Variants in ZNF521 observed in about 807,000 individuals in gnomAD.
The protein encoded by ZNF521 is zinc finger protein 521, also known as LYST-interacting protein 3.
Under a neutral mutation model 105.5 loss-of-function variants are expected in ZNF521, and 14 were observed. The ratio of observed to expected loss-of-function variants is 0.13; its 90% CI spans 0.09 to 0.21. The LOEUF is 0.21. Ranked by LOEUF, ZNF521 falls within the 10% of genes least tolerant of loss-of-function variation. The probability of loss-of-function intolerance (pLI) is 1.00; values close to 1 mark genes in which losing one functional copy is unlikely to be tolerated. For synonymous variants in ZNF521, 635 were observed against 606.0 expected, an observed-to-expected ratio of 1.05 and a Z score of -0.70; for missense variants, 1,233 against 1,629.7, an observed-to-expected ratio of 0.76 and a Z score of 4.19.
Position 25,227,621 on chromosome 18 carries a change from A to C in ZNF521, c.297T>G (p.Pro99=). 1 of 1,614,140 alleles carries C rather than the reference A, an allele frequency of 6.2e-7. No individual in the cohort carries two copies. Among genetic ancestry groups the C allele is most frequent in the Non-Finnish European group, 8.5e-7 (1 of 1,180,006 alleles). The change falls in exon 4 of 8, where the codon CCT becomes CCG. Residue 99 remains proline, a synonymous_variant. Coordinates refer to ENST00000361524, the MANE Select transcript of ZNF521 (RefSeq NM_015461.3). This position sits in a 1 kb window ranked among gnomAD's most constrained non-coding sequence, Gnocchi z 5.7. ...SSPSSKDQTS[P]SHGEGCDFGE... ...CAAAATCGCAACCTTCTCCATGGCTAGGGGAAGTCTGATCCTTGCTAGAAG... is the reference window on the plus strand; with the variant it reads ...CAAAATCGCAACCTTCTCCATGGCTCGGGGAAGTCTGATCCTTGCTAGAAG...
At chr18:25,156,522 G>A (rs142369872) in intron 5 of ZNF521, among the ~76,000 whole-genome samples, 239 of 152,318 alleles carry the variant, frequency 1.6e-3, no homozygotes, top group African/African-American at 5.5e-3. Context: ...AGTCTAATGA[G>A]CAAAGTAGAA....
chr18:25,176,416 G>T (rs1308534351), intron 5 of ZNF521, among the ~76,000 whole-genome samples: 1 of 152,116 alleles, frequency 6.6e-6, no homozygotes, highest in African/African-American at 2.4e-5. Context: ...AGCAATCTTC[G>T]TCGGGTCTCA....
At chr18:25,244,063 C>T (rs141875887) in intron 3 of ZNF521, among the ~76,000 whole-genome samples, 24 of 152,240 alleles carry the variant, frequency 1.6e-4, no homozygotes, top group African/African-American at 5.3e-4. Flanking sequence ...CACCTTCTCA[C>T]TCTCCCCAAG....
intron 4 of ZNF521, among the ~76,000 whole-genome samples, chr18:25,205,141 TAAAAAAAAAAAA>T (rs34563599): frequency 1.6e-4 from 12 of 74,912 alleles, no homozygotes; most frequent in African/African-American, 6.2e-4. Context: ...GTAGTGAAGG[TAAAAAAAAAAAA>T]AAAAAAAAAA....
intron 5 of ZNF521, among the ~76,000 whole-genome samples, chr18:25,124,196 GGTAA>G (rs1230129090): frequency 7.2e-5 from 11 of 152,040 alleles, no homozygotes; most frequent in Admixed American, 1.3e-4. Flanking sequence ...TTTGTAACTG[GGTAA>G]GTTTTTCTTC....
intron 2 of ZNF521, among the ~76,000 whole-genome samples, chr18:25,325,242 C>T (rs1913150893): frequency 6.6e-6 from 1 of 152,160 alleles, no homozygotes. Flanking sequence ...GGGTTTGCAT[C>T]CCTAATGCCA....
intron 5 of ZNF521, 124 bp downstream of exon 5, chr18:25,195,036 A>C: frequency 1.3e-6 from 1 of 791,912 alleles, no homozygotes. Flanking sequence ...TTAAAAAAAA[A>C]ATCAATCATG....
chr18:25,218,607 C>T (rs1905489773), intron 4 of ZNF521, among the ~76,000 whole-genome samples: 1 of 150,938 alleles, frequency 6.6e-6, no homozygotes, highest in Non-Finnish European at 1.5e-5. Context: ...ACCCATGATC[C>T]CACCACTGTA....
intron 5 of ZNF521, among the ~76,000 whole-genome samples, chr18:25,104,664 G>A (rs1399398557): frequency 1.3e-5 from 2 of 152,146 alleles, no homozygotes; most frequent in African/African-American, 4.8e-5. Context: ...CTGGAGAAAA[G>A]CGAATACCTT....
chr18:25,325,927 A>G (rs1046170051), intron 2 of ZNF521, among the ~76,000 whole-genome samples: 2 of 152,166 alleles, frequency 1.3e-5, no homozygotes, highest in South Asian at 2.1e-4. Flanking sequence ...CCTCCTGTTC[A>G]TAAGAATTGT....
intron 5 of ZNF521, among the ~76,000 whole-genome samples, chr18:25,179,766 C>T (rs549879420): frequency 6.6e-6 from 1 of 152,302 alleles, no homozygotes; most frequent in South Asian, 2.1e-4. Context: ...TGGAAACACG[C>T]TAAACACAAG....
intron 2 of ZNF521, among the ~76,000 whole-genome samples, chr18:25,347,000 C>A (rs1402933347): frequency 6.6e-6 from 1 of 150,616 alleles, no homozygotes; most frequent in Non-Finnish European, 1.5e-5. Flanking sequence ...GAGTAAATTT[C>A]AAAAAAAAAT....
At chr18:25,316,906 G>C (rs1029502540) in intron 3 of ZNF521, among the ~76,000 whole-genome samples, 3 of 146,742 alleles carry the variant, frequency 2.0e-5, no homozygotes, top group Non-Finnish European at 3.0e-5. Flanking sequence ...CTAGGCTAGA[G>C]AGCAATGACA....
At position 25,192,003 on chromosome 18, in the gene ZNF521, T is replaced by C. The variant is rs151035680; in HGVS notation, c.3658+3157A>G. Among the ~76,000 whole-genome samples, 1,249 of 152,208 alleles carry C rather than the reference T, an allele frequency of 8.2e-3. 11 individuals are homozygous for C. Among genetic ancestry groups the C allele is most frequent in the Non-Finnish European group, 0.013 (871 of 67,998 alleles). ...AAAAGCCAACATAAACTATGTGAAA[T>C]GAGCAAAGGAAGAGAGGAAAAATTT... On this transcript the variant is annotated intron_variant, in intron 5 of 7. Coordinates refer to ENST00000361524, the MANE Select transcript of ZNF521 (RefSeq NM_015461.3).
chr18:25,265,003 C>T lies in ZNF521; in HGVS notation c.221-37306G>A, dbSNP rs148802357. Among the ~76,000 whole-genome samples, 37 of 152,108 alleles carry T rather than the reference C, an allele frequency of 2.4e-4. 1 individual carries two copies. The East Asian group carries it at 6.4e-3, about 26-fold the overall frequency. ...GAAAATAATGGAAACCAACTATCAC[C>T]GGGGAAAAATAAACAGCTTCATTAA... On this transcript the variant is annotated intron_variant, in intron 3 of 7. Transcript: ENST00000361524.
chr18:25,238,786 C>T (rs1277428378), intron 3 of ZNF521, among the ~76,000 whole-genome samples: 1 of 152,172 alleles, frequency 6.6e-6, no homozygotes, highest in Non-Finnish European at 1.5e-5. Flanking sequence ...CCACCAATCA[C>T]TAGCAGACCA....
At chr18:25,297,584 A>G (rs1911395059) in intron 3 of ZNF521, among the ~76,000 whole-genome samples, 1 of 152,152 alleles carries the variant, frequency 6.6e-6, no homozygotes, top group Admixed American at 6.5e-5. Flanking sequence ...AACTAACAAT[A>G]TCGTAATACT....
intron 5 of ZNF521, among the ~76,000 whole-genome samples, chr18:25,174,886 C>T (rs1284036231): frequency 2.6e-5 from 4 of 152,142 alleles, no homozygotes; most frequent in Admixed American, 2.6e-4. Flanking sequence ...TTAATCACCC[C>T]TTAACTATTT....
chr18:25,299,711 G>A (rs1287838841), intron 3 of ZNF521, among the ~76,000 whole-genome samples: 2 of 152,126 alleles, frequency 1.3e-5, no homozygotes, highest in Non-Finnish European at 2.9e-5. Context: ...CTCTATAAAC[G>A]CGACCCATGA....
Sources: gnomAD v4.1 joint callset for allele counts (sites outside exome capture counted in the v4.1 genomes callset) on GRCh38, gnomAD v4.1.1 for gene constraint, Gnocchi (gnomAD v3.1) non-coding constraint, MANE v1.5 for transcripts, NCBI Gene and HGNC (gene_info 2026-07-23, HGNC 2026-07-21) for gene names.